The following PRIMA1 variants were observed in gnomAD, a reference collection of about 807,000 sequenced individuals.
The protein encoded by PRIMA1 is proline rich membrane anchor 1.
A neutral mutation model predicts 17.5 loss-of-function variants in PRIMA1; 7 were observed. The observed-to-expected ratio is 0.40, with a 90% CI of 0.23 to 0.75. The LOEUF is 0.75. Ranked by LOEUF, PRIMA1 falls within the 30% of genes least tolerant of loss-of-function variation. The pLI, the probability that PRIMA1 is intolerant of heterozygous loss-of-function variation, is 0.37. For missense variants in PRIMA1, 200 were observed against 201.8 expected (o/e 0.99, Z 0.05); for synonymous variants, 97 against 77.9 (o/e 1.25, Z -1.29).
At chr14:93,777,171 C>G (rs1885242604) in intron 3 of PRIMA1, among the ~76,000 whole-genome samples, 1 of 152,160 alleles carries the variant, frequency 6.6e-6, no homozygotes, top group Non-Finnish European at 1.5e-5. Flanking sequence ...GCCAGGCACA[C>G]GAGGCCCTTC....
intron 3 of PRIMA1, among the ~76,000 whole-genome samples, chr14:93,764,291 C>T (rs1161020477): frequency 2.7e-5 from 4 of 149,650 alleles, no homozygotes; most frequent in African/African-American, 9.9e-5. Flanking sequence ...TCCCCCACCC[C>T]CGCCTTCAGC....
At chr14:93,757,880 T>A (rs1251246631) in intron 3 of PRIMA1, among the ~76,000 whole-genome samples, 1 of 152,236 alleles carries the variant, frequency 6.6e-6, no homozygotes, top group Non-Finnish European at 1.5e-5. Flanking sequence ...AGGGAGCCTC[T>A]CCTCACTTCT....
intron 4 of PRIMA1, among the ~76,000 whole-genome samples, chr14:93,733,016 T>C (rs1004194556): frequency 4.6e-5 from 7 of 152,112 alleles, no homozygotes; most frequent in African/African-American, 1.7e-4. Context: ...CATGTGGCTG[T>C]AGATAAAAAG....
At chr14:93,758,056 T>C (rs1420104172) in intron 3 of PRIMA1, among the ~76,000 whole-genome samples, 1 of 152,176 alleles carries the variant, frequency 6.6e-6, no homozygotes, top group Non-Finnish European at 1.5e-5. Flanking sequence ...CCATGGAACA[T>C]TCCAGCTGAA....
chr14:93,755,694 A>T (rs1336988026), intron 3 of PRIMA1, among the ~76,000 whole-genome samples: 1 of 152,208 alleles, frequency 6.6e-6, no homozygotes, highest in Non-Finnish European at 1.5e-5. Context: ...CAGACAAGGC[A>T]TGTACAGCCC....
At chr14:93,785,646 C>G (rs1885502202) in intron 2 of PRIMA1, among the ~76,000 whole-genome samples, 1 of 152,192 alleles carries the variant, frequency 6.6e-6, no homozygotes, top group African/African-American at 2.4e-5. Context: ...CCTCTTCTCT[C>G]CTACGTTCCC....
intron 3 of PRIMA1, among the ~76,000 whole-genome samples, chr14:93,762,555 T>G (rs934383216): frequency 1.3e-5 from 2 of 151,954 alleles, no homozygotes; most frequent in Admixed American, 1.3e-4. Flanking sequence ...AACCCAACCA[T>G]TCTCACATCC....
chr14:93,741,856 A>T (rs1336548174), intron 3 of PRIMA1, among the ~76,000 whole-genome samples: 2 of 151,760 alleles, frequency 1.3e-5, no homozygotes, highest in African/African-American at 2.4e-5. Context: ...CTGCAAACAC[A>T]ACAGAAAGGC....
At chr14:93,770,144 C>T (rs1306929766) in intron 3 of PRIMA1, among the ~76,000 whole-genome samples, 2 of 152,194 alleles carry the variant, frequency 1.3e-5, no homozygotes, top group Non-Finnish European at 2.9e-5. Flanking sequence ...GCCTCCACCC[C>T]GGGTCCAGCC....
chr14:93,768,338 C>G (rs1282473081), intron 3 of PRIMA1, among the ~76,000 whole-genome samples: 2 of 152,140 alleles, frequency 1.3e-5, no homozygotes, highest in Non-Finnish European at 2.9e-5. Flanking sequence ...GCCTGCAACT[C>G]CCCCAGTCTT....
At chr14:93,778,184 T>C (rs1885277374) in intron 3 of PRIMA1, among the ~76,000 whole-genome samples, 1 of 152,328 alleles carries the variant, frequency 6.6e-6, no homozygotes, top group Admixed American at 6.5e-5. Context: ...TCAGTGGGTT[T>C]GAAGTGGGCC....
At chr14:93,787,064 C>G (rs1346134913) in intron 2 of PRIMA1, among the ~76,000 whole-genome samples, 1 of 152,124 alleles carries the variant, frequency 6.6e-6, no homozygotes, top group Non-Finnish European at 1.5e-5. Context: ...CCTCTCTGAC[C>G]CTAAGAGGTA....
At chr14:93,782,664 A>G (rs553374850) in intron 2 of PRIMA1, among the ~76,000 whole-genome samples, 6 of 152,342 alleles carry the variant, frequency 3.9e-5, no homozygotes, top group African/African-American at 1.4e-4. Flanking sequence ...AGTCTCTTAC[A>G]TAAGGGCCTC....
At chr14:93,779,696 T>C (rs1026858168) in intron 2 of PRIMA1, among the ~76,000 whole-genome samples, 17 of 152,136 alleles carry the variant, frequency 1.1e-4, no homozygotes, top group Non-Finnish European at 2.1e-4. Flanking sequence ...TTTGCTTCCT[T>C]TGTAATCTAA....
chr14:93,746,493 G>C (rs570386474), intron 3 of PRIMA1, among the ~76,000 whole-genome samples: 1 of 152,226 alleles, frequency 6.6e-6, no homozygotes, highest in African/African-American at 2.4e-5. Flanking sequence ...GCAGTTCTGG[G>C]GAGCAGGAAG....
intron 3 of PRIMA1, among the ~76,000 whole-genome samples, chr14:93,772,852 C>T (rs1243765261): frequency 6.6e-6 from 1 of 152,182 alleles, no homozygotes; most frequent in East Asian, 1.9e-4. Flanking sequence ...TGCTGGAACC[C>T]TGCAGAAGCA....
chr14:93,770,725 C>A (rs954414595), intron 3 of PRIMA1, among the ~76,000 whole-genome samples: 1 of 152,232 alleles, frequency 6.6e-6, no homozygotes, highest in East Asian at 1.9e-4. Context: ...TGCCCCCTCC[C>A]GCGCACACAC....
intron 3 of PRIMA1, among the ~76,000 whole-genome samples, chr14:93,742,520 G>A (rs2076190636): frequency 6.6e-6 from 1 of 152,220 alleles, no homozygotes; most frequent in South Asian, 2.1e-4. Context: ...CAGGTGGGGT[G>A]GGTAGCTTTG....
chr14:93,733,121 T>C (rs2076126148), intron 4 of PRIMA1, among the ~76,000 whole-genome samples: 3 of 152,198 alleles, frequency 2.0e-5, no homozygotes, highest in South Asian at 4.1e-4. Flanking sequence ...TTTGGGGTCA[T>C]TGACAGCAGA....
Sources: allele counts gnomAD v4.1 joint callset (sites outside exome capture counted in the v4.1 genomes callset), GRCh38; gene constraint gnomAD v4.1.1; transcripts MANE v1.5; gene names NCBI Gene and HGNC (gene_info 2026-07-23, HGNC 2026-07-21).